CNTN5: variants seen among roughly 807,000 people sequenced by gnomAD.
CNTN5 encodes contactin 5.
In CNTN5, 77 loss-of-function variants were observed where a neutral mutation model predicts 129.1. The ratio of observed to expected loss-of-function variants is 0.60; its 90% CI spans 0.50 to 0.72. The LOEUF is 0.72. Ranked by LOEUF, CNTN5 falls within the 30% of genes least tolerant of loss-of-function variation. The pLI is 0.00. For missense variants in CNTN5, 1,478 were observed against 1,328.8 expected, an observed-to-expected ratio of 1.11 and a Z score of -1.75; for synonymous variants, 509 against 465.6, an observed-to-expected ratio of 1.09 and a Z score of -1.20.
intron 1 of CNTN5, among the ~76,000 whole-genome samples, chr11:99,318,870 A>G (rs1865451409): frequency 6.6e-6 from 1 of 152,238 alleles, no homozygotes; most frequent in South Asian, 2.1e-4. Flanking sequence ...CAACACTTAA[A>G]TTAAAAGTTA....
chr11:100,304,473 A>C (rs570970442), intron 20 of CNTN5, among the ~76,000 whole-genome samples: 1 of 151,716 alleles, frequency 6.6e-6, no homozygotes, highest in East Asian at 2.0e-4. Context: ...TATGGTTCAA[A>C]ATTACCAAGG....
chr11:99,529,153 T>C (rs1160605550), intron 2 of CNTN5, among the ~76,000 whole-genome samples: 1 of 152,128 alleles, frequency 6.6e-6, no homozygotes, highest in African/African-American at 2.4e-5. Context: ...TTCACCTTTG[T>C]ATTTGTTCTC....
intron 3 of CNTN5, among the ~76,000 whole-genome samples, chr11:99,577,395 C>G (rs937407109): frequency 2.6e-5 from 4 of 152,058 alleles, no homozygotes; most frequent in African/African-American, 9.7e-5. Context: ...GAGTACATGA[C>G]TAGTGATTCT....
At chr11:99,291,359 A>G (rs1028494490) in intron 1 of CNTN5, among the ~76,000 whole-genome samples, 4 of 151,890 alleles carry the variant, frequency 2.6e-5, no homozygotes, top group Non-Finnish European at 5.9e-5. Flanking sequence ...ATTACACTGG[A>G]ATAACAACAC....
chr11:99,153,163 C>T (rs1300391078), intron 1 of CNTN5, among the ~76,000 whole-genome samples: 4 of 152,164 alleles, frequency 2.6e-5, no homozygotes, highest in African/African-American at 9.7e-5. Flanking sequence ...GGATTCTCTG[C>T]ATTTCCTGAG....
intron 1 of CNTN5, among the ~76,000 whole-genome samples, chr11:99,139,233 C>T (rs1026569105): frequency 5.3e-5 from 8 of 152,082 alleles, no homozygotes; most frequent in African/African-American, 1.9e-4. Context: ...TACCACTGCA[C>T]TTCACTTCAC....
At chr11:99,773,257 A>G (rs1945005601) in intron 3 of CNTN5, among the ~76,000 whole-genome samples, 1 of 152,144 alleles carries the variant, frequency 6.6e-6, no homozygotes, top group African/African-American at 2.4e-5. Context: ...GGAAAATTCT[A>G]GGTATCCATG....
At chr11:99,894,515 C>CGAAAAAAA (rs1949150267) in intron 6 of CNTN5, among the ~76,000 whole-genome samples, 1 of 107,496 alleles carries the variant, frequency 9.3e-6, no homozygotes, top group Admixed American at 9.7e-5. Flanking sequence ...GTACCAGCAG[C>CGAAAAAAA]AAAAAAAAAA....
At chr11:99,495,829 G>A (rs1330764957) in intron 2 of CNTN5, among the ~76,000 whole-genome samples, 1 of 152,092 alleles carries the variant, frequency 6.6e-6, no homozygotes, top group East Asian at 1.9e-4. Context: ...AGTAAGAAGT[G>A]CAGAGCGAGA....
Position 99,967,359 on chromosome 11 carries a change from A to G in CNTN5, c.877+10350A>G, listed in dbSNP as rs544763541. On this transcript the variant is annotated intron_variant, in intron 8 of 24. Transcript: ENST00000524871. ...ATTCACAAATGTGTATTGTCTGCCT[A>G]TTATGTATCAGGTATTTTGTTAGGT... Among the ~76,000 whole-genome samples, 6 of 152,270 alleles carry G rather than the reference A, an allele frequency of 3.9e-5. No individual in the cohort carries two copies. In the East Asian group the frequency reaches 5.8e-4, roughly 15 times the overall value.
intron 3 of CNTN5, among the ~76,000 whole-genome samples, chr11:99,658,888 CAAAAA>C (rs10673721): frequency 5.9e-5 from 7 of 119,206 alleles, no homozygotes; most frequent in Admixed American, 1.9e-4. Flanking sequence ...AACTCTGTCT[CAAAAA>C]AAAAAAAAAA....
intron 1 of CNTN5, among the ~76,000 whole-genome samples, chr11:99,207,504 A>G (rs1435627127): frequency 1.3e-5 from 2 of 152,200 alleles, no homozygotes; most frequent in East Asian, 3.8e-4. Flanking sequence ...GCCCATGATC[A>G]GTGGAAATCC....
chr11:99,996,776 T>TG (rs1363307180), intron 8 of CNTN5, among the ~76,000 whole-genome samples: 1 of 152,070 alleles, frequency 6.6e-6, no homozygotes, highest in Admixed American at 6.6e-5. Context: ...GGAGGCAAGG[T>TG]ACATCTTACA....
intron 2 of CNTN5, among the ~76,000 whole-genome samples, chr11:99,480,534 A>G (rs539657336): frequency 2.6e-5 from 4 of 152,350 alleles, no homozygotes; most frequent in Non-Finnish European, 4.4e-5. Context: ...AATTATGAAC[A>G]TCATATAAAC....
chr11:99,462,964 C>T (rs979648908), intron 2 of CNTN5, among the ~76,000 whole-genome samples: 12 of 151,450 alleles, frequency 7.9e-5, no homozygotes, highest in African/African-American at 2.9e-4. Context: ...AAAAATTAGC[C>T]GGGTGCGGTG....
chr11:99,183,533 T>A (rs1858189171), intron 1 of CNTN5, among the ~76,000 whole-genome samples: 1 of 152,132 alleles, frequency 6.6e-6, no homozygotes, highest in Non-Finnish European at 1.5e-5. Flanking sequence ...TTTCTTAGTT[T>A]CATGGTATTT....
chr11:99,674,167 G>A (rs746727871), intron 3 of CNTN5, among the ~76,000 whole-genome samples: 2 of 152,088 alleles, frequency 1.3e-5, no homozygotes, highest in Non-Finnish European at 2.9e-5. Context: ...ATGTGAGATG[G>A]CATCTCATTG....
intron 3 of CNTN5, among the ~76,000 whole-genome samples, chr11:99,650,100 A>G (rs587925): frequency 0.61 from 92,792 of 151,656 alleles, 29,345 homozygotes; most frequent in Admixed American, 0.7. Flanking sequence ...ATGCCAATCT[A>G]AAAAATGAAA....
intron 15 of CNTN5, among the ~76,000 whole-genome samples, chr11:100,221,468 G>A (rs1949264391): frequency 6.6e-6 from 1 of 152,206 alleles, no homozygotes; most frequent in African/African-American, 2.4e-5. Context: ...CAAAATGCGA[G>A]CTAAGAAAGA....
Sources: allele counts gnomAD v4.1 joint callset (sites outside exome capture counted in the v4.1 genomes callset), GRCh38; gene constraint gnomAD v4.1.1; transcripts MANE v1.5; gene names NCBI Gene and HGNC (gene_info 2026-07-23, HGNC 2026-07-21).